The following AKT3 variants were observed in gnomAD, a reference collection of about 807,000 sequenced individuals.
The protein encoded by AKT3 is RAC-gamma serine/threonine-protein kinase.
A neutral mutation model predicts 65.3 loss-of-function variants in AKT3; 15 were observed. The observed-to-expected ratio is 0.23, with a 90% CI of 0.15 to 0.35. The LOEUF (loss-of-function observed/expected upper bound fraction) is 0.35. Among genes scored for constraint, AKT3 ranks in the 10% least tolerant of loss-of-function variants. The pLI is 1.00. For synonymous variants in AKT3, 206 were observed against 183.8 expected, an observed-to-expected ratio of 1.12 and a Z score of -0.98; for missense variants, 243 against 576.5, an observed-to-expected ratio of 0.42 and a Z score of 5.92.
chr1:243,678,342 T>C (rs1683675277), intron 3 of AKT3, among the ~76,000 whole-genome samples: 1 of 152,128 alleles, frequency 6.6e-6, no homozygotes, highest in African/African-American at 2.4e-5. Context: ...AAACACTTCA[T>C]TTTAAAATCT....
At chr1:243,496,417 A>G (rs997719279), downstream of AKT3, among the ~76,000 whole-genome samples, 2 of 152,214 alleles carry the variant, frequency 1.3e-5, no homozygotes, top group African/African-American at 2.4e-5. Flanking sequence ...AATGCCCCAG[A>G]TGGAGGTAGG....
chr1:243,774,713 T>C (rs1690435248), intron 2 of AKT3, among the ~76,000 whole-genome samples: 1 of 152,204 alleles, frequency 6.6e-6, no homozygotes, highest in Non-Finnish European at 1.5e-5. Flanking sequence ...ACTGCATGTA[T>C]TTTGGTAACA....
chr1:243,490,202 T>C (rs916224803), intron 13 of AKT3, among the ~76,000 whole-genome samples: 7 of 152,236 alleles, frequency 4.6e-5, no homozygotes, highest in Non-Finnish European at 7.3e-5. Context: ...CCAAAATCCC[T>C]CTGCCAAACA....
intron 1 of AKT3, among the ~76,000 whole-genome samples, chr1:243,846,067 A>G (rs548845429): frequency 1.8e-4 from 27 of 152,330 alleles, no homozygotes; most frequent in African/African-American, 6.0e-4. Context: ...TCATATATAG[A>G]TGGCATCATA....
intron 8 of AKT3, among the ~76,000 whole-genome samples, chr1:243,581,047 A>T (rs941261116): frequency 1.6e-4 from 25 of 152,030 alleles, no homozygotes; most frequent in African/African-American, 6.0e-4. Context: ...ACTCTCCTGG[A>T]CTAGAAGTTT....
chr1:243,498,995 C>T (rs1021387664), downstream of AKT3, among the ~76,000 whole-genome samples: 2 of 152,230 alleles, frequency 1.3e-5, no homozygotes, highest in Non-Finnish European at 2.9e-5. Context: ...ACACAGTGCA[C>T]AGTAGAAACT....
In AKT3 at chr1:243,806,361, G is replaced by GA. The variant is rs68140928; in HGVS notation, c.46+36763dup. Among the ~76,000 whole-genome samples, 205 of 151,700 alleles carry GA rather than the reference G, an allele frequency of 1.4e-3. 3 individuals carry two copies. Among genetic ancestry groups the GA allele is most frequent in the African/African-American group, 4.4e-3 (183 of 41,278 alleles). Reference sequence around the variant, plus strand: ...TGTACTTGGTAAGTATTTATTAGGGGAAAAAAAACACTTGAAAGGTCCCAG... The same window carrying GA: ...TGTACTTGGTAAGTATTTATTAGGGGAAAAAAAAACACTTGAAAGGTCCCAG... On this transcript the variant is annotated intron_variant, in intron 2 of 13. Transcript: ENST00000673466.
At chr1:243,833,992 T>A (rs1694721347) in intron 2 of AKT3, among the ~76,000 whole-genome samples, 2 of 151,568 alleles carry the variant, frequency 1.3e-5, no homozygotes, top group African/African-American at 4.8e-5. Context: ...TTTGAGCCAC[T>A]GTGGCTGGGC....
chr1:243,555,233 A>C (rs1399067423), intron 10 of AKT3, among the ~76,000 whole-genome samples: 2 of 152,180 alleles, frequency 1.3e-5, no homozygotes, highest in Admixed American at 6.5e-5. Context: ...AAACACCCTA[A>C]CAACTAAAAT....
At chr1:243,510,718 C>A (rs1215646316) in intron 13 of AKT3, among the ~76,000 whole-genome samples, 4 of 152,202 alleles carry the variant, frequency 2.6e-5, no homozygotes, top group South Asian at 2.1e-4. Flanking sequence ...GAGAGGTGGA[C>A]AGGGCCCAGA....
intron 2 of AKT3, among the ~76,000 whole-genome samples, chr1:243,785,230 A>T (rs1285522297): frequency 1.3e-5 from 2 of 148,548 alleles, no homozygotes; most frequent in African/African-American, 2.5e-5. Context: ...CACCATGCCC[A>T]GCTAATTTTT....
intron 2 of AKT3, among the ~76,000 whole-genome samples, chr1:243,700,506 A>ATTTTTTTTTTTTTTTTTTTTT (rs67611152): frequency 2.1e-5 from 3 of 139,940 alleles, no homozygotes; most frequent in African/African-American, 8.0e-5. Flanking sequence ...GGCTTAGTCT[A>ATTTTTTTTTTTTTTTTTTTTT]TTTTTTTTTT....
At chr1:243,776,929 G>T (rs1331522238) in intron 2 of AKT3, among the ~76,000 whole-genome samples, 1 of 152,266 alleles carries the variant, frequency 6.6e-6, no homozygotes, top group East Asian at 1.9e-4. Context: ...ACTTCCTTGA[G>T]GTCTGGCACC....
intron 2 of AKT3, among the ~76,000 whole-genome samples, chr1:243,778,532 G>A (rs1316750867): frequency 6.6e-6 from 1 of 152,192 alleles, no homozygotes; most frequent in Non-Finnish European, 1.5e-5. Context: ...AAGTTGCAGA[G>A]TATCATCCTA....
rs1002177974 is a variant in AKT3, at chr1:243,501,478, C to G, written c.*3771G>C. 19 of 233,262 alleles carry G rather than the reference C, an allele frequency of 8.1e-5. No individual in the cohort carries two copies. In the Admixed American group the frequency reaches 9.6e-4, roughly 12 times the overall value. The allele number at this position is 233,262 out of a possible 1,614,324, so 14.4% of individuals were successfully genotyped here. ...CTGAGACCTCCTTCATCCCTGGCTT[C>G]ACAGTACATCCATCCTAAATCCAGT... On this transcript the variant is annotated 3_prime_UTR_variant, in exon 14 of 14. Coordinates refer to ENST00000673466, the MANE Select transcript of AKT3 (RefSeq NM_005465.7).
intron 2 of AKT3, among the ~76,000 whole-genome samples, chr1:243,778,419 T>C (rs1291375963): frequency 6.6e-6 from 1 of 152,058 alleles, no homozygotes; most frequent in Admixed American, 6.6e-5. Context: ...TTAAAAGATA[T>C]GAAGAAGATA....
rs1246020085 is a variant in AKT3, at chr1:243,504,949, CTCATGACT to C, written c.*292_*299del. The C allele has an allele frequency of 5.5e-5, 20 of 362,588 alleles. No individual in the cohort carries two copies. Among genetic ancestry groups the C allele is most frequent in the Non-Finnish European group, 6.9e-5 (14 of 201,660 alleles). The allele number at this position is 362,588 out of a possible 1,614,324, so 22.5% of individuals were successfully genotyped here. On this transcript the variant is annotated 3_prime_UTR_variant, in exon 14 of 14. Coordinates refer to ENST00000673466, the MANE Select transcript of AKT3 (RefSeq NM_005465.7). The stretch of plus-strand genomic sequence containing the variant: ...TGGTGCACAAATGAACAATGGTGGG[CTCATGACT>C]TCCAAAGGTTGGAAAATTACTTCTT...
intron 2 of AKT3, among the ~76,000 whole-genome samples, chr1:243,742,059 T>A (rs1039096522): frequency 2.5e-4 from 32 of 125,580 alleles, no homozygotes; most frequent in Non-Finnish European, 2.8e-4. Context: ...GATAGAAAAT[T>A]AAAAAAAAAA....
intron 8 of AKT3, among the ~76,000 whole-genome samples, chr1:243,582,673 C>T (rs1675466474): frequency 1.3e-5 from 2 of 152,096 alleles, no homozygotes; most frequent in Admixed American, 1.3e-4. Context: ...ACATAGCCCA[C>T]AGACCCTATA....
Sources: allele counts gnomAD v4.1 joint callset (sites outside exome capture counted in the v4.1 genomes callset), GRCh38; gene constraint gnomAD v4.1.1; transcripts MANE v1.5; gene names NCBI Gene and HGNC (gene_info 2026-07-23, HGNC 2026-07-21).